RNLS: variants seen among roughly 807,000 people sequenced by gnomAD.
The protein encoded by RNLS is renalase.
RNLS carries 39 observed loss-of-function variants against 39.8 expected under a neutral mutation model. That is an observed-to-expected ratio of 0.98 (90% CI 0.76 to 1.28). The LOEUF (loss-of-function observed/expected upper bound fraction) is 1.28, where lower values mean the gene tolerates loss of function less well. Among genes scored for constraint, RNLS ranks in the 50% most tolerant of loss-of-function variants. RNLS has a pLI of 0.00. For synonymous variants in RNLS, 147 were observed against 150.7 expected, an observed-to-expected ratio of 0.98 and a Z score of 0.18; for missense variants, 410 against 413.3, an observed-to-expected ratio of 0.99 and a Z score of 0.07.
At chr10:88,352,572 C>G (rs1042183210) in intron 5 of RNLS, among the ~76,000 whole-genome samples, 2 of 152,178 alleles carry the variant, frequency 1.3e-5, no homozygotes, top group Admixed American at 6.5e-5. Context: ...GGTAGATAAG[C>G]TTTTTGATGT....
At chr10:88,280,074 G>C (rs1589449490), downstream of RNLS, among the ~76,000 whole-genome samples, 2 of 152,164 alleles carry the variant, frequency 1.3e-5, no homozygotes, top group Non-Finnish European at 2.9e-5. Context: ...AGGCCTCAGA[G>C]GCACCGGGTT....
rs74147226 is a variant in RNLS at position 88,558,456 on chromosome 10, T to A, written c.526+14447A>T. Among the ~76,000 whole-genome samples the A allele has an allele frequency of 3.9e-3, 592 of 152,334 alleles. 5 individuals are homozygous for A. Among genetic ancestry groups the A allele is most frequent in the African/African-American group, 0.013 (533 of 41,586 alleles). ...TCTTCCAGCTATCCTCAACTTTATG[T>A]TGTTATTTTTTTTCTGACACAACTA... On this transcript the variant is annotated intron_variant, in intron 4 of 6. Transcript: ENST00000331772.
intron 4 of RNLS, among the ~76,000 whole-genome samples, chr10:88,421,174 G>C (rs1374491923): frequency 1.3e-5 from 2 of 152,146 alleles, no homozygotes; most frequent in Non-Finnish European, 2.9e-5. Flanking sequence ...TTTCTGCCAA[G>C]GGTCCTCCCT....
chr10:88,406,725 A>T (rs1009144370), intron 4 of RNLS, among the ~76,000 whole-genome samples: 2 of 152,108 alleles, frequency 1.3e-5, no homozygotes, highest in Non-Finnish European at 2.9e-5. Flanking sequence ...GAGGAAAAGA[A>T]GTCATTATTC....
At chr10:88,276,085 A>G (rs1444380975) in intron 6 of RNLS, among the ~76,000 whole-genome samples, 1 of 152,134 alleles carries the variant, frequency 6.6e-6, no homozygotes, top group Non-Finnish European at 1.5e-5. Context: ...AAAACATGCG[A>G]ATAATAAAAA....
intron 4 of RNLS, among the ~76,000 whole-genome samples, chr10:88,468,535 T>C (rs1336247373): frequency 1.3e-5 from 2 of 152,182 alleles, no homozygotes; most frequent in Non-Finnish European, 2.9e-5. Flanking sequence ...AACCACAGTT[T>C]TGGTCTTTCT....
At chr10:88,197,616 G>A in the RNLS span, among the ~76,000 whole-genome samples, 1 of 152,190 alleles carries the variant, frequency 6.6e-6, no homozygotes, top group Non-Finnish European at 1.5e-5. Flanking sequence ...CCAATGACAT[G>A]GATTGAATTG....
At chr10:88,192,386 T>C in the RNLS span, among the ~76,000 whole-genome samples, 1 of 152,228 alleles carries the variant, frequency 6.6e-6, no homozygotes. Flanking sequence ...TGTTGGTAGA[T>C]ACACTACTTA....
At chr10:88,572,631 C>G (rs1041330444) in intron 4 of RNLS, among the ~76,000 whole-genome samples, 2 of 152,158 alleles carry the variant, frequency 1.3e-5, no homozygotes, top group African/African-American at 4.8e-5. Flanking sequence ...TTCCTTTAGG[C>G]AAAATCATTT....
chr10:88,319,066 C>A (rs1236426967), intron 5 of RNLS, among the ~76,000 whole-genome samples: 4 of 152,110 alleles, frequency 2.6e-5, no homozygotes, highest in African/African-American at 9.7e-5. Context: ...GACTTCCATA[C>A]CCTCAGCCAA....
chr10:88,179,075 T>C, the RNLS span, among the ~76,000 whole-genome samples: 22 of 152,268 alleles, frequency 1.4e-4, no homozygotes, highest in African/African-American at 5.1e-4. Context: ...GAAAAGGACA[T>C]ACATCTCTGC....
the RNLS span, among the ~76,000 whole-genome samples, chr10:88,250,276 G>T: frequency 6.6e-6 from 1 of 152,154 alleles, no homozygotes; most frequent in Non-Finnish European, 1.5e-5. Flanking sequence ...TATACATTGA[G>T]CAAATGAATG....
At chr10:88,439,089 A>G (rs940483283) in intron 4 of RNLS, among the ~76,000 whole-genome samples, 7 of 152,106 alleles carry the variant, frequency 4.6e-5, no homozygotes, top group African/African-American at 1.7e-4. Flanking sequence ...GCTCCCTATT[A>G]CATCTCGTTT....
chr10:88,257,128 C>T, the RNLS span, among the ~76,000 whole-genome samples: 2 of 152,058 alleles, frequency 1.3e-5, no homozygotes, highest in African/African-American at 4.8e-5. Context: ...TTCCATCCTC[C>T]ATCATTCCCC....
At chr10:88,390,368 C>T (rs149130844) in intron 4 of RNLS, among the ~76,000 whole-genome samples, 279 of 152,186 alleles carry the variant, frequency 1.8e-3, no homozygotes, top group African/African-American at 5.9e-3. Flanking sequence ...AATATTCGTT[C>T]GTCTGAATGC....
chr10:88,388,171 G>T (rs1589709546), intron 4 of RNLS, among the ~76,000 whole-genome samples: 1 of 152,174 alleles, frequency 6.6e-6, no homozygotes, highest in East Asian at 1.9e-4. Context: ...GAACCTGTAA[G>T]TCATCTTTGT....
chr10:88,481,321 G>C (rs1350113760), intron 4 of RNLS, among the ~76,000 whole-genome samples: 1 of 152,004 alleles, frequency 6.6e-6, no homozygotes, highest in Non-Finnish European at 1.5e-5. Flanking sequence ...AATTATCATG[G>C]CTGGACTTAC....
At chr10:88,220,482 A>G in the RNLS span, among the ~76,000 whole-genome samples, 1 of 152,218 alleles carries the variant, frequency 6.6e-6, no homozygotes, top group South Asian at 2.1e-4. Flanking sequence ...AAATAACTTT[A>G]TTATTAAATG....
At chr10:88,484,556 C>G (rs1489485691) in intron 4 of RNLS, among the ~76,000 whole-genome samples, 2 of 151,936 alleles carry the variant, frequency 1.3e-5, no homozygotes, top group East Asian at 3.9e-4. Flanking sequence ...AGTTCAGTCT[C>G]ATTTCTTCTC....
Sources: allele counts gnomAD v4.1 joint callset (sites outside exome capture counted in the v4.1 genomes callset), GRCh38; gene constraint gnomAD v4.1.1; transcripts MANE v1.5; gene names NCBI Gene and HGNC (gene_info 2026-07-23, HGNC 2026-07-21).